Variants in SPON1 observed in about 807,000 individuals in gnomAD.
SPON1 encodes the protein spondin-1.
In SPON1, 52 loss-of-function variants were observed where a neutral mutation model predicts 111.7. The ratio of observed to expected loss-of-function variants is 0.47; its 90% CI spans 0.37 to 0.59. The LOEUF (loss-of-function observed/expected upper bound fraction) is 0.59, where lower values mean the gene tolerates loss of function less well. SPON1 is among the 20% of genes least tolerant of loss of function. The pLI is 0.00. For synonymous variants in SPON1, 410 were observed against 395.8 expected, an observed-to-expected ratio of 1.04 and a Z score of -0.43; for missense variants, 957 against 1,068.5, an observed-to-expected ratio of 0.90 and a Z score of 1.46.
At chr11:14,007,938 A>G (rs1358531347) in intron 2 of SPON1, among the ~76,000 whole-genome samples, 1 of 152,122 alleles carries the variant, frequency 6.6e-6, no homozygotes, top group Admixed American at 6.5e-5. Flanking sequence ...AAGGATACAT[A>G]TGATTGCATT....
At chr11:14,008,219 G>A (rs993424874) in intron 2 of SPON1, among the ~76,000 whole-genome samples, 4 of 152,152 alleles carry the variant, frequency 2.6e-5, no homozygotes, top group Admixed American at 2.6e-4. Context: ...ATCTGGAGAT[G>A]CTTTAAAGTA....
At chr11:13,966,699 A>G (rs146693093) in intron 1 of SPON1, among the ~76,000 whole-genome samples, 4 of 152,296 alleles carry the variant, frequency 2.6e-5, no homozygotes, top group African/African-American at 7.2e-5. Flanking sequence ...CACACTGACC[A>G]CAGGGGTGGA....
At position 14,259,327 on chromosome 11, in the gene SPON1, A is replaced by AGCATCTCCTGCG. The variant is rs782415690; in HGVS notation, c.1545_1556dup (p.Ile515_Gly518dup). On this transcript the variant is annotated inframe_insertion, in exon 12 of 16. Transcript: ENST00000576479. This position sits in a 1 kb window ranked among gnomAD's most constrained non-coding sequence, Gnocchi z 5.0. ...CGAGTGGATCACCTGGTCGCCCTGC[A>AGCATCTCCTGCG]GCATCTCCTGCGGCATGGGCATGAG... 1 of 1,613,172 alleles carries AGCATCTCCTGCG rather than the reference A, an allele frequency of 6.2e-7. No homozygotes were observed. The highest frequency in any genetic ancestry group is 8.5e-7 in the Non-Finnish European group (1 of 1,179,656).
At chr11:14,224,120 C>T (rs2133908288) in intron 6 of SPON1, among the ~76,000 whole-genome samples, 1 of 152,306 alleles carries the variant, frequency 6.6e-6, no homozygotes, top group Non-Finnish European at 1.5e-5. Context: ...TTAATACCTC[C>T]CTTGTGCCAA....
chr11:14,138,750 A>T (rs191773910), intron 6 of SPON1, among the ~76,000 whole-genome samples: 2 of 152,296 alleles, frequency 1.3e-5, no homozygotes, highest in East Asian at 3.9e-4. Context: ...CAGTAAGCCC[A>T]TATTTCTGGC....
intron 2 of SPON1, among the ~76,000 whole-genome samples, chr11:13,988,430 T>C (rs1848202322): frequency 6.6e-6 from 1 of 152,234 alleles, no homozygotes; most frequent in African/African-American, 2.4e-5. Flanking sequence ...CTGAAGTTGC[T>C]TATCAGCTTA....
intron 6 of SPON1, among the ~76,000 whole-genome samples, chr11:14,203,268 T>G (rs370350927): frequency 5.9e-5 from 9 of 152,206 alleles, no homozygotes; most frequent in Non-Finnish European, 1.3e-4. Context: ...AATCTTGACA[T>G]TTAATATCAC....
chr11:13,995,026 G>C (rs1848260776), intron 2 of SPON1, among the ~76,000 whole-genome samples: 2 of 152,084 alleles, frequency 1.3e-5, no homozygotes, highest in African/African-American at 4.8e-5. Context: ...ATAGTACCCA[G>C]TTCTTTTTCT....
At chr11:14,038,946 A>G (rs1000829104) in intron 2 of SPON1, among the ~76,000 whole-genome samples, 2 of 152,238 alleles carry the variant, frequency 1.3e-5, no homozygotes. Context: ...AGAAGTAACC[A>G]AGATATCCTT....
intron 6 of SPON1, among the ~76,000 whole-genome samples, chr11:14,169,346 G>T (rs548638683): frequency 5.2e-4 from 78 of 149,026 alleles, no homozygotes; most frequent in African/African-American, 1.0e-3. Flanking sequence ...TTTTGATGGG[G>T]TTTTTTTTTT....
intron 6 of SPON1, among the ~76,000 whole-genome samples, chr11:14,220,170 T>C (rs1269352458): frequency 1.3e-5 from 2 of 152,102 alleles, no homozygotes; most frequent in African/African-American, 2.4e-5. Flanking sequence ...CCACTTGGCA[T>C]TCCTGTTTCT....
chr11:14,181,970 A>C (rs1440559137), intron 6 of SPON1, among the ~76,000 whole-genome samples: 2 of 152,258 alleles, frequency 1.3e-5, no homozygotes, highest in East Asian at 3.8e-4. Flanking sequence ...TATGCTGAAC[A>C]GAATAAAATT....
At chr11:14,224,856 A>G (rs539817743) in intron 6 of SPON1, 7 of 344,592 alleles carry the variant, frequency 2.0e-5, no homozygotes, top group African/African-American at 1.3e-4. Context: ...AAGAATTTCA[A>G]GAGTGGAGTA....
At chr11:14,084,748 A>G (rs1308049343) in intron 5 of SPON1, among the ~76,000 whole-genome samples, 1 of 152,216 alleles carries the variant, frequency 6.6e-6, no homozygotes, top group Non-Finnish European at 1.5e-5. Context: ...TGGTTGAACT[A>G]ATTTACACTC....
intron 6 of SPON1, among the ~76,000 whole-genome samples, chr11:14,181,550 T>C (rs1554933693): frequency 6.6e-6 from 1 of 152,210 alleles, no homozygotes; most frequent in African/African-American, 2.4e-5. Flanking sequence ...TGAGGAAAGT[T>C]TGGAATAACA....
intron 6 of SPON1, among the ~76,000 whole-genome samples, chr11:14,146,135 A>G (rs1399526735): frequency 2.0e-5 from 3 of 150,050 alleles, no homozygotes; most frequent in African/African-American, 7.4e-5. Flanking sequence ...TTTACCATGA[A>G]CACAAATTAC....
intron 6 of SPON1, among the ~76,000 whole-genome samples, chr11:14,145,934 GC>G (rs1223872225): frequency 1.3e-5 from 2 of 152,118 alleles, no homozygotes; most frequent in Non-Finnish European, 2.9e-5. Context: ...AGTGTGTATA[GC>G]TTGATTCCAT....
chr11:14,020,437 G>A (rs1287859944), intron 2 of SPON1, among the ~76,000 whole-genome samples: 1 of 152,230 alleles, frequency 6.6e-6, no homozygotes, highest in Non-Finnish European at 1.5e-5. Flanking sequence ...GGGTTAAGAA[G>A]AGAATGGTGA....
chr11:14,229,510 T>C (rs1554938427), intron 6 of SPON1, among the ~76,000 whole-genome samples: 1 of 152,184 alleles, frequency 6.6e-6, no homozygotes, highest in African/African-American at 2.4e-5. Context: ...CCTGCCAGTA[T>C]GATTAAGTCA....
Sources: gnomAD v4.1 joint callset for allele counts (sites outside exome capture counted in the v4.1 genomes callset) on GRCh38, gnomAD v4.1.1 for gene constraint, Gnocchi (gnomAD v3.1) non-coding constraint, MANE v1.5 for transcripts, NCBI Gene and HGNC (gene_info 2026-07-23, HGNC 2026-07-21) for gene names.